Variants in SUSD3 observed in about 807,000 individuals in gnomAD.
SUSD3 encodes sushi domain containing 3.
SUSD3 carries 18 observed loss-of-function variants against 20.6 expected under a neutral mutation model. That is an observed-to-expected ratio of 0.87 (90% CI 0.60 to 1.30). The LOEUF is 1.30. Ranked by LOEUF, SUSD3 falls within the 50% of genes most tolerant of loss-of-function variation. The probability of loss-of-function intolerance (pLI) is 0.00; values close to 1 mark genes in which losing one functional copy is unlikely to be tolerated. For synonymous variants in SUSD3, 137 were observed against 141.5 expected, an observed-to-expected ratio of 0.97 and a Z score of 0.23; for missense variants, 306 against 346.9, an observed-to-expected ratio of 0.88 and a Z score of 0.94.
At chr9:93,073,094 C>T (rs979546777) in intron 1 of SUSD3, among the ~76,000 whole-genome samples, 2 of 152,058 alleles carry the variant, frequency 1.3e-5, no homozygotes, top group African/African-American at 2.4e-5. Flanking sequence ...GTTTTTGTCC[C>T]TGCCATCACC....
At chr9:93,066,062 GTC>G (rs1191039965) in intron 1 of SUSD3, among the ~76,000 whole-genome samples, 2 of 152,142 alleles carry the variant, frequency 1.3e-5, no homozygotes, top group Non-Finnish European at 2.9e-5. Context: ...GCTGATCTCA[GTC>G]CTGCCCACCA....
chr9:93,061,953 G>A (rs143766605), intron 1 of SUSD3, among the ~76,000 whole-genome samples: 2 of 152,354 alleles, frequency 1.3e-5, no homozygotes, highest in African/African-American at 2.4e-5. Context: ...CACAGCAGGC[G>A]AGGTCAGGTT....
chr9:93,058,742 G>C lies in SUSD3; in HGVS notation c.-1G>C, dbSNP rs928711796. ...CCGCCAAGCGCCTCGGAGCGCGCAG[G>C]ATGCGCTGGGCGGCCGCCACCCTCC... is the stretch of plus-strand genomic sequence containing the variant. On this transcript the variant is annotated 5_prime_UTR_variant, in exon 1 of 5. Coordinates refer to ENST00000375472, the MANE Select transcript of SUSD3 (RefSeq NM_145006.4). 8.1e-7 allele frequency: 1 copy of C among 1,234,410 alleles called. No individual in the cohort carries two copies. The allele number at this position is 1,234,410 out of a possible 1,614,324, so 76.5% of individuals were successfully genotyped here. A position where few individuals can be genotyped will look rare whatever the true frequency, so the allele number is the denominator to read the frequency against.
intron 1 of SUSD3, among the ~76,000 whole-genome samples, chr9:93,067,418 T>G (rs771742577): frequency 6.6e-6 from 1 of 152,188 alleles, no homozygotes; most frequent in Non-Finnish European, 1.5e-5. Flanking sequence ...ACAGGTATTT[T>G]CATTTCTCTT....
At chr9:93,075,743 C>CT (rs776653071) in intron 1 of SUSD3, 41 bp from the exon 2 acceptor site, 1 of 149,222 alleles carries the variant, frequency 6.7e-6, no homozygotes, top group African/African-American at 4.0e-5. Context: ...CGTGCCCACC[C>CT]CCCCCCCCCC....
At chr9:93,072,435 C>T (rs1354585703) in intron 1 of SUSD3, among the ~76,000 whole-genome samples, 1 of 152,218 alleles carries the variant, frequency 6.6e-6, no homozygotes, top group Non-Finnish European at 1.5e-5. Context: ...TTCACTGTCA[C>T]TACCATGGCA....
chr9:93,072,080 C>T (rs1825932677), intron 1 of SUSD3, among the ~76,000 whole-genome samples: 1 of 152,110 alleles, frequency 6.6e-6, no homozygotes, highest in Non-Finnish European at 1.5e-5. Flanking sequence ...GGCTATAATG[C>T]AGTACAGCAC....
At chr9:93,070,247 T>A (rs1201598128) in intron 1 of SUSD3, among the ~76,000 whole-genome samples, 1 of 152,250 alleles carries the variant, frequency 6.6e-6, no homozygotes, top group Non-Finnish European at 1.5e-5. Flanking sequence ...CCCTCCCTGC[T>A]ATCAGTGGGC....
chr9:93,064,856 A>G (rs2118915814), intron 1 of SUSD3, among the ~76,000 whole-genome samples: 1 of 152,308 alleles, frequency 6.6e-6, no homozygotes, highest in South Asian at 2.1e-4. Flanking sequence ...TCTTCTGGAA[A>G]GGCCGGGCCT....
chr9:93,075,743 C>T (rs56653934), intron 1 of SUSD3, 41 bp from the exon 2 acceptor site: 5 of 149,324 alleles, frequency 3.3e-5, no homozygotes, highest in Admixed American at 1.5e-4. Flanking sequence ...CGTGCCCACC[C>T]CCCCCCCCCC....
chr9:93,061,214 G>A (rs1480949275), intron 1 of SUSD3, among the ~76,000 whole-genome samples: 1 of 152,218 alleles, frequency 6.6e-6, no homozygotes, highest in Non-Finnish European at 1.5e-5. Context: ...CCTGGAGAGG[G>A]GGTAGCAGGA....
At chr9:93,076,297 G>T (rs142666008) in intron 2 of SUSD3, among the ~76,000 whole-genome samples, 1 of 146,336 alleles carries the variant, frequency 6.8e-6, no homozygotes, top group East Asian at 1.9e-4. Flanking sequence ...TGTTAAGCAG[G>T]AAACTATGTT....
At position 93,075,909 on chromosome 9, in the gene SUSD3, C is replaced by A; in HGVS notation, c.214C>A (p.Leu72Ile). The change falls in exon 2 of 5, where the codon CTC becomes ATC. Residue 72 changes from leucine (L) to isoleucine (I), a missense_variant. Transcript: ENST00000375472. ...PSNHQMVGSG[L>I]LTCTWKGSIA... ...CAACCACCAGATGGTGGGGTCTGGG[C>A]TCCTCACCTGCACCTGGAAGGGGAG... The A allele has an allele frequency of 6.2e-7, 1 of 1,613,944 alleles. No individual in the cohort carries two copies.
intron 1 of SUSD3, among the ~76,000 whole-genome samples, chr9:93,060,994 C>T (rs1825482072): frequency 6.6e-6 from 1 of 152,256 alleles, no homozygotes. Context: ...GGTCTTCCCT[C>T]ATCTCCCATG....
Position 93,075,308 on chromosome 9 carries a change from G to A in SUSD3, c.89-476G>A, listed in dbSNP as rs1036610676. 3.3e-5 allele frequency among the ~76,000 whole-genome samples: 5 copies of A among 151,298 alleles called. 1 individual carries two copies. In the East Asian group the frequency reaches 7.7e-4, roughly 23 times the overall value. On this transcript the variant is annotated intron_variant, in intron 1 of 4. Transcript: ENST00000375472. ...CTATGCTTTCCAAATATCCTTTCCCGAATTTTTCACCTGAGTTGGTTGTTT... is the reference window on the plus strand; with the variant it reads ...CTATGCTTTCCAAATATCCTTTCCCAAATTTTTCACCTGAGTTGGTTGTTT...
chr9:93,072,648 C>T (rs1587908476), intron 1 of SUSD3, among the ~76,000 whole-genome samples: 1 of 152,142 alleles, frequency 6.6e-6, no homozygotes, highest in Non-Finnish European at 1.5e-5. Context: ...TGATATGTCT[C>T]GCAGATAAAG....
chr9:93,066,756 T>G (rs1441913174), intron 1 of SUSD3, among the ~76,000 whole-genome samples: 5 of 152,096 alleles, frequency 3.3e-5, no homozygotes, highest in African/African-American at 1.2e-4. Flanking sequence ...TTGCCCTGGC[T>G]GGAGTGCAGT....
At chr9:93,069,213 C>T (rs1048755218) in intron 1 of SUSD3, 11 of 691,918 alleles carry the variant, frequency 1.6e-5, no homozygotes, top group African/African-American at 8.8e-5. Flanking sequence ...CGCTCCACCC[C>T]GCCTGGGATT....
intron 1 of SUSD3, 48 bp from the exon 2 acceptor site, chr9:93,075,736 G>GGGCCCCCCC: frequency 1.5e-5 from 4 of 272,382 alleles, no homozygotes; most frequent in African/African-American, 9.6e-5. Flanking sequence ...TGCCCTGCGT[G>GGGCCCCCCC]CCCACCCCCC....
Sources: allele counts gnomAD v4.1 joint callset (sites outside exome capture counted in the v4.1 genomes callset), GRCh38; gene constraint gnomAD v4.1.1; transcripts MANE v1.5; gene names NCBI Gene and HGNC (gene_info 2026-07-23, HGNC 2026-07-21).